The following MID2 variants were observed in gnomAD, a reference collection of about 807,000 sequenced individuals.
MID2 encodes the protein probable E3 ubiquitin-protein ligase MID2.
In MID2, 13 loss-of-function variants were observed where a neutral mutation model predicts 46.1. The observed-to-expected ratio is 0.28, with a 90% confidence interval of 0.18 to 0.45. The LOEUF (loss-of-function observed/expected upper bound fraction) is 0.45. MID2 is among the 20% of genes least tolerant of loss of function. MID2 has a pLI of 1.00. For missense variants in MID2, 431 were observed against 575.4 expected, an observed-to-expected ratio of 0.75 and a Z score of 2.57; for synonymous variants, 199 against 212.3, an observed-to-expected ratio of 0.94 and a Z score of 0.55.
intron 3 of MID2, among the ~76,000 whole-genome samples, chrX:107,886,708 T>C (rs914257590): frequency 8.9e-6 from 1 of 111,884 alleles, no homozygotes; most frequent in African/African-American, 3.3e-5. Context: ...ATAAATTACC[T>C]TGGGCAGTAT....
chrX:107,860,539 C>G (rs1931832190), intron 3 of MID2, among the ~76,000 whole-genome samples: 1 of 112,021 alleles, frequency 8.9e-6, no homozygotes, highest in Non-Finnish European at 1.9e-5. Flanking sequence ...TGTGACAAAT[C>G]TCCAGCCCAA....
At chrX:107,907,574 C>T (rs1932846529) in intron 5 of MID2, among the ~76,000 whole-genome samples, 1 of 110,727 alleles carries the variant, frequency 9.0e-6, no homozygotes, top group South Asian at 3.9e-4. Context: ...CTATAGTTGA[C>T]TTCACATCCA....
At position 107,859,473 on chromosome X, in the gene MID2, G is replaced by A. The variant is rs193162304; in HGVS notation, c.816+4769G>A. Reference sequence around the variant, plus strand: ...AGAAAGCAGAGGTATTAGTGGAGGTGTAAATGAGCACATTTTATGGGGAAA... The same window carrying A: ...AGAAAGCAGAGGTATTAGTGGAGGTATAAATGAGCACATTTTATGGGGAAA... On this transcript the variant is annotated intron_variant, in intron 3 of 9. Coordinates refer to ENST00000262843, the MANE Select transcript of MID2 (RefSeq NM_012216.4). Among the ~76,000 whole-genome samples, 476 of 112,121 alleles carry A rather than the reference G, an allele frequency of 4.2e-3. 3 individuals carry two copies. Among genetic ancestry groups the A allele is most frequent in the African/African-American group, 0.014 (445 of 30,881 alleles).
At chrX:107,915,285 G>A (rs966888841) in intron 5 of MID2, among the ~76,000 whole-genome samples, 13 of 112,076 alleles carry the variant, frequency 1.2e-4, no homozygotes, top group South Asian at 3.7e-4. Flanking sequence ...GGTCAGGTGC[G>A]GTGGCTAGCT....
At chrX:107,837,394 A>T (rs774839565) in intron 1 of MID2, among the ~76,000 whole-genome samples, 1 of 111,486 alleles carries the variant, frequency 9.0e-6, no homozygotes, top group East Asian at 2.8e-4. Flanking sequence ...TCTAGAAGAG[A>T]TAGTAATAGA....
At position 107,904,008 on chromosome X, in the gene MID2, G is replaced by A. The variant is rs780468343; in HGVS notation, c.867G>A (p.Leu289=). The part of the protein sequence containing the change: ...EAKLMEECDE[L]VEIIQQRKQM... ...AACTTATGGAAGAATGTGACGAGTT[G>A]GTAGAGATCATCCAGCAGAGGAAGC... Residue 289 remains leucine, a synonymous_variant, in exon 4 of 10, where the codon TTG becomes TTA. Coordinates refer to ENST00000262843, the MANE Select transcript of MID2 (RefSeq NM_012216.4). 8.3e-7 allele frequency: 1 copy of A among 1,208,271 alleles called. No individual in the cohort carries two copies. The highest frequency in any genetic ancestry group is 1.7e-5 in the African/African-American group (1 of 57,194).
intron 1 of MID2, among the ~76,000 whole-genome samples, chrX:107,837,542 A>G (rs1206059450): frequency 3.6e-5 from 4 of 110,747 alleles, no homozygotes; most frequent in Non-Finnish European, 7.6e-5. Flanking sequence ...GCTGTTTAAA[A>G]AAAAAAAACT....
chrX:107,886,747 A>G (rs1244041801), intron 3 of MID2, among the ~76,000 whole-genome samples: 8 of 111,294 alleles, frequency 7.2e-5, no homozygotes, highest in Admixed American at 2.9e-4. Flanking sequence ...GATTCTTCCT[A>G]CCCATGAGCA....
intron 8 of MID2, among the ~76,000 whole-genome samples, chrX:107,925,759 A>G (rs1395593644): frequency 9.0e-6 from 1 of 111,559 alleles, no homozygotes; most frequent in African/African-American, 3.3e-5. Flanking sequence ...TTGATAATAT[A>G]TGATGTGGGG....
At chrX:107,925,866 C>T (rs922441955) in intron 8 of MID2, among the ~76,000 whole-genome samples, 3 of 109,739 alleles carry the variant, frequency 2.7e-5, no homozygotes, top group Non-Finnish European at 5.7e-5. Context: ...AAATAAACGC[C>T]GTTATGAAGG....
chrX:107,929,363 A>G lies in MID2; in HGVS notation c.*2290A>G, dbSNP rs757357006. Among the ~76,000 whole-genome samples, 1 of 110,409 alleles carries G rather than the reference A, an allele frequency of 9.1e-6. No homozygotes were observed. Among genetic ancestry groups the G allele is most frequent in the East Asian group, 2.8e-4 (1 of 3,538 alleles). ...CCTTAGCACCCAGTAGAAGGTCCCA[A>G]CTCCTTACAGAGTCTGGGTTTTCAT... is the stretch of plus-strand genomic sequence containing the variant. On this transcript the variant is annotated 3_prime_UTR_variant, in exon 10 of 10. Coordinates refer to ENST00000262843, the MANE Select transcript of MID2 (RefSeq NM_012216.4).
At chrX:107,846,390 A>G (rs935941473) in intron 2 of MID2, among the ~76,000 whole-genome samples, 1 of 111,098 alleles carries the variant, frequency 9.0e-6, no homozygotes, top group Non-Finnish European at 1.9e-5. Flanking sequence ...AATGGTGGTG[A>G]ACATGTGTGT....
rs1332513717 is a variant in MID2, at chrX:107,930,424, C to G, written c.*3351C>G. Among the ~76,000 whole-genome samples the G allele has an allele frequency of 8.9e-6, 1 of 111,979 alleles. No individual in the cohort carries two copies. The highest frequency in any genetic ancestry group is 1.9e-5 in the Non-Finnish European group (1 of 53,140). On this transcript the variant is annotated 3_prime_UTR_variant, in exon 10 of 10. Transcript: ENST00000262843. Reference sequence around the variant, plus strand: ...CCATTGTTTTCAGTAACATTTCAGTCTTGTCAAACTTTGTTGTTTGAAGGT... The same window carrying G: ...CCATTGTTTTCAGTAACATTTCAGTGTTGTCAAACTTTGTTGTTTGAAGGT...
chrX:107,850,916 T>C (rs912832852), intron 2 of MID2, among the ~76,000 whole-genome samples: 10 of 112,169 alleles, frequency 8.9e-5, no homozygotes, highest in African/African-American at 3.2e-4. Flanking sequence ...CAGGTTGAGG[T>C]ACTTGTTAAA....
At chrX:107,878,308 C>T (rs1932245384) in intron 3 of MID2, among the ~76,000 whole-genome samples, 1 of 106,141 alleles carries the variant, frequency 9.4e-6, no homozygotes, top group African/African-American at 3.5e-5. Context: ...TGCCCAAGTG[C>T]CCCAGCCAGG....
At chrX:107,876,561 C>G (rs979714929) in intron 3 of MID2, among the ~76,000 whole-genome samples, 2 of 110,924 alleles carry the variant, frequency 1.8e-5, no homozygotes, top group Non-Finnish European at 3.8e-5. Context: ...CTTCCACTCT[C>G]CCATCTCAAT....
At chrX:107,877,267 C>T (rs908510625) in intron 3 of MID2, among the ~76,000 whole-genome samples, 6 of 112,017 alleles carry the variant, frequency 5.4e-5, no homozygotes, top group African/African-American at 1.9e-4. Context: ...CTTCCTGAGG[C>T]CAAGACAGTC....
At chrX:107,876,311 G>A (rs905154588) in intron 3 of MID2, among the ~76,000 whole-genome samples, 1 of 111,349 alleles carries the variant, frequency 9.0e-6, no homozygotes, top group African/African-American at 3.3e-5. Flanking sequence ...GTCTGTTTCT[G>A]CAGTTTCCTC....
chrX:107,904,318 A>C (rs5916793), intron 4 of MID2, among the ~76,000 whole-genome samples: 2,895 of 111,696 alleles, frequency 0.026, 48 homozygotes, highest in Non-Finnish European at 0.041. Flanking sequence ...TGAGCTGTAC[A>C]CTTAGGATTT....
Sources: allele counts gnomAD v4.1 joint callset (sites outside exome capture counted in the v4.1 genomes callset), GRCh38; gene constraint gnomAD v4.1.1; transcripts MANE v1.5; gene names NCBI Gene and HGNC (gene_info 2026-07-23, HGNC 2026-07-21).